The following SPMIP2 variants were observed in gnomAD, a reference collection of about 807,000 sequenced individuals.
SPMIP2 encodes the protein protein SPMIP2.
chr4:159,039,290 A>G, the SPMIP2 span, among the ~76,000 whole-genome samples: 26 of 152,178 alleles, frequency 1.7e-4, no homozygotes, highest in Admixed American at 1.7e-3. Context: ...GTTTAAATAG[A>G]AGACACCTGA....
At chr4:158,936,407 G>GT in the SPMIP2 span, among the ~76,000 whole-genome samples, 1 of 152,212 alleles carries the variant, frequency 6.6e-6, no homozygotes, top group Non-Finnish European at 1.5e-5. Flanking sequence ...GTGTATTCAT[G>GT]TATTTCAAAC....
the SPMIP2 span, among the ~76,000 whole-genome samples, chr4:159,072,451 C>CTTT: frequency 5.8e-5 from 4 of 69,124 alleles, no homozygotes; most frequent in Non-Finnish European, 7.9e-5. Context: ...CTTATGAATT[C>CTTT]TTTTTTTTTT....
At chr4:158,927,827 TGAG>T in the SPMIP2 span, among the ~76,000 whole-genome samples, 1,074 of 152,252 alleles carry the variant, frequency 7.1e-3, 13 homozygotes, top group African/African-American at 0.025. Flanking sequence ...CCCCGGGCAA[TGAG>T]GGGCTTAGCA....
At chr4:159,007,327 C>A in the SPMIP2 span, 3 of 744,934 alleles carry the variant, frequency 4.0e-6, no homozygotes, top group East Asian at 9.2e-5. Flanking sequence ...TCATCCCAGG[C>A]CCTCCACCCA....
the SPMIP2 span, chr4:159,026,088 G>T: frequency 4.6e-6 from 1 of 216,428 alleles, no homozygotes. Context: ...TGCCGACCTT[G>T]CTAAGCTTGC....
the SPMIP2 span, among the ~76,000 whole-genome samples, chr4:159,063,947 A>T: frequency 6.6e-6 from 1 of 152,266 alleles, no homozygotes; most frequent in Admixed American, 6.5e-5. Context: ...GATACTTCAA[A>T]GGAATTGTTT....
At chr4:158,900,787 A>AGTT in the SPMIP2 span, among the ~76,000 whole-genome samples, 1 of 152,054 alleles carries the variant, frequency 6.6e-6, no homozygotes, top group Admixed American at 6.5e-5. Context: ...CTCTTTATCC[A>AGTT]GTTTGCCAGT....
the SPMIP2 span, among the ~76,000 whole-genome samples, chr4:159,066,610 T>TATATATATATAC: frequency 2.0e-5 from 1 of 50,360 alleles, no homozygotes; most frequent in South Asian, 6.8e-4. Flanking sequence ...TATATATATA[T>TATATATATATAC]ATATATATAT....
the SPMIP2 span, among the ~76,000 whole-genome samples, chr4:158,925,982 C>T: frequency 6.6e-6 from 1 of 152,142 alleles, no homozygotes; most frequent in Non-Finnish European, 1.5e-5. Flanking sequence ...TTTATAAAGG[C>T]ACTCATCCCA....
At chr4:158,973,403 T>C in the SPMIP2 span, 4 of 742,776 alleles carry the variant, frequency 5.4e-6, no homozygotes, top group African/African-American at 3.5e-5. Flanking sequence ...TAGCCAATAA[T>C]TATATGGTAC....
At chr4:159,010,056 G>T in the SPMIP2 span, among the ~76,000 whole-genome samples, 1 of 152,194 alleles carries the variant, frequency 6.6e-6, no homozygotes, top group Non-Finnish European at 1.5e-5. Flanking sequence ...TGCTTCTGCA[G>T]CAGAGACCAT....
chr4:158,904,410 T>G, the SPMIP2 span: 7 of 1,407,440 alleles, frequency 5.0e-6, no homozygotes, highest in South Asian at 1.2e-5. Context: ...AAATAATACT[T>G]TCTCATAAAA....
At chr4:158,979,938 C>T in the SPMIP2 span, among the ~76,000 whole-genome samples, 1 of 152,036 alleles carries the variant, frequency 6.6e-6, no homozygotes, top group African/African-American at 2.4e-5. Context: ...ACCCAGCAAG[C>T]TAAGATCCAC....
the SPMIP2 span, among the ~76,000 whole-genome samples, chr4:159,047,709 G>A: frequency 6.6e-6 from 1 of 152,178 alleles, no homozygotes; most frequent in Non-Finnish European, 1.5e-5. Context: ...CTGCAGAAAA[G>A]TAACTAGGCT....
At chr4:158,991,455 T>C in the SPMIP2 span, among the ~76,000 whole-genome samples, 2 of 152,208 alleles carry the variant, frequency 1.3e-5, no homozygotes, top group Non-Finnish European at 1.5e-5. Context: ...CTTGATAGGA[T>C]GGTCAACGTG....
the SPMIP2 span, among the ~76,000 whole-genome samples, chr4:159,026,925 A>C: frequency 6.6e-6 from 1 of 150,892 alleles, no homozygotes; most frequent in Non-Finnish European, 1.5e-5. Context: ...AAAAACTTGA[A>C]GTTAAGACAA....
the SPMIP2 span, among the ~76,000 whole-genome samples, chr4:159,052,931 T>A: frequency 6.8e-6 from 1 of 146,212 alleles, no homozygotes; most frequent in Non-Finnish European, 1.5e-5. Flanking sequence ...CCACTACGCC[T>A]GGTCGACTAT....
the SPMIP2 span, among the ~76,000 whole-genome samples, chr4:159,054,968 C>T: frequency 3.9e-5 from 6 of 152,160 alleles, no homozygotes; most frequent in Non-Finnish European, 8.8e-5. Context: ...ACTTATTCCC[C>T]CCATCTGAGG....
chr4:158,989,587 A>C, the SPMIP2 span, among the ~76,000 whole-genome samples: 4 of 152,104 alleles, frequency 2.6e-5, no homozygotes, highest in Non-Finnish European at 5.9e-5. Context: ...TACACCTACA[A>C]CCATCTGATC....
Sources: gnomAD v4.1 joint callset for allele counts (sites outside exome capture counted in the v4.1 genomes callset) on GRCh38, gnomAD v4.1.1 for gene constraint, MANE v1.5 for transcripts, NCBI Gene and HGNC (gene_info 2026-07-23, HGNC 2026-07-21) for gene names.